Variants in LKAAEAR1 observed in about 807,000 individuals in gnomAD.
The protein encoded by LKAAEAR1 is protein LKAAEAR1.
A neutral mutation model predicts 16.5 loss-of-function variants in LKAAEAR1; 19 were observed. That is an observed-to-expected ratio of 1.15 (90% CI 0.80 to 1.69). LKAAEAR1 has a LOEUF of 1.69. Ranked by LOEUF, LKAAEAR1 falls within the 40% of genes most tolerant of loss-of-function variation. The pLI is 0.00. For synonymous variants in LKAAEAR1, 124 were observed against 152.7 expected (o/e 0.81, Z 1.39); for missense variants, 304 against 315.8 (o/e 0.96, Z 0.28).
Position 64,083,697 on chromosome 20 carries a change from C to T in LKAAEAR1, c.411G>A (p.Glu137=), listed in dbSNP as rs1041965866. The change falls in exon 2 of 3, where the codon GAG becomes GAA. Residue 137 remains glutamate (E), a synonymous_variant. Coordinates refer to ENST00000302096, the MANE Select transcript of LKAAEAR1 (RefSeq NM_001353425.2). The surrounding 1 kb of genome is among the most constrained non-coding windows in gnomAD (Gnocchi z 4.9). ...TCTGCCGCTGGATGAGCAGCGCGAT[C>T]TCCTCGGCCTGCGGGGCCCGGGTAG... ...RLRYTRMRAE[E]IALLIQRQKS... is the part of the protein sequence containing the mutation. 1.4e-6 allele frequency: 2 copies of T among 1,393,828 alleles called. No homozygotes were observed. Among genetic ancestry groups the T allele is most frequent in the Non-Finnish European group, 9.2e-7 (1 of 1,082,618 alleles). The allele number at this position is 1,393,828 out of a possible 1,614,324, so 86.3% of individuals were successfully genotyped here.
chr20:64,083,561 C>T lies in LKAAEAR1; in HGVS notation c.525+22G>A. 1 of 1,530,542 alleles carries T rather than the reference C, an allele frequency of 6.5e-7. No homozygotes were observed. Among genetic ancestry groups the T allele is most frequent in the Non-Finnish European group, 8.8e-7 (1 of 1,138,462 alleles). 94.8% of individuals were successfully genotyped at this position (1,530,542 alleles called of 1,614,324 possible). A position where few individuals can be genotyped will look rare whatever the true frequency, so the allele number is the denominator to read the frequency against. The stretch of plus-strand genomic sequence containing the variant: ...GGCAGGGCCCCTCCCCTTTCCCCGC[C>T]CCTACCGGGGCTTGTCTGCACCTCT... On this transcript the variant is annotated intron_variant, in intron 2 of 2. Transcript: ENST00000302096. This position sits in a 1 kb window ranked among gnomAD's most constrained non-coding sequence, Gnocchi z 4.9.
In LKAAEAR1 at chr20:64,084,206, G is replaced by T; in HGVS notation, c.14C>A (p.Ala5Glu). Residue 5 changes from alanine to glutamate, a missense_variant, in exon 1 of 3, where the codon GCG (alanine) becomes GAG (glutamate). Coordinates refer to ENST00000302096, the MANE Select transcript of LKAAEAR1 (RefSeq NM_001353425.2). ...CGGGCCCTTGCGCCCGCCCTCCTTCGCTGGCGGCGGCATCCTCCCGCCCTG... is the reference window on the plus strand; with the variant it reads ...CGGGCCCTTGCGCCCGCCCTCCTTCTCTGGCGGCGGCATCCTCCCGCCCTG... MPPP[A>E]KEGGRKGPRE... 7.0e-7 allele frequency: 1 copy of T among 1,419,766 alleles called. No individual in the cohort carries two copies. Among genetic ancestry groups the T allele is most frequent in the South Asian group, 1.5e-5 (1 of 68,744 alleles). 87.9% of individuals were successfully genotyped at this position (1,419,766 alleles called of 1,614,324 possible).
chr20:64,084,489 A>G (rs2060020716), upstream of LKAAEAR1: 3 of 829,834 alleles, frequency 3.6e-6, no homozygotes, highest in Non-Finnish European at 1.6e-6. Context: ...GTTGTAGGAA[A>G]TATCTTTCCT....
In LKAAEAR1 at chr20:64,083,679, C is replaced by A; in HGVS notation, c.429G>T (p.Gln143His). ...MRAEEIALLI[Q>H]RQKSARAAIR... ...TGGCGGCGCGCGCGGACTTCTGCCG[C>A]TGGATGAGCAGCGCGATCTCCTCGG... The change falls in exon 2 of 3, where the codon CAG (glutamine) becomes CAT (histidine). Residue 143 changes from glutamine to histidine, a missense_variant. Physicochemically the swap from Gln to His is conservative, Grantham distance 24. Transcript: ENST00000302096. This position sits in a 1 kb window ranked among gnomAD's most constrained non-coding sequence, Gnocchi z 4.9. The A allele has an allele frequency of 1.4e-6, 2 of 1,426,262 alleles. No homozygotes were observed. The highest frequency in any genetic ancestry group is 2.9e-5 in the South Asian group (2 of 68,964). The allele number at this position is 1,426,262 out of a possible 1,614,324, so 88.4% of individuals were successfully genotyped here.
rs998254539 is a variant in LKAAEAR1, at chr20:64,084,265, C to G, written c.-46G>C. 14 of 1,339,270 alleles carry G rather than the reference C, an allele frequency of 1.0e-5. No homozygotes were observed. In the South Asian group the frequency reaches 2.4e-4, roughly 23 times the overall value. 83.0% of individuals were successfully genotyped at this position (1,339,270 alleles called of 1,614,324 possible). On this transcript the variant is annotated 5_prime_UTR_variant, in exon 1 of 3. Transcript: ENST00000302096. ...GGAGGGCGTCCCGTCGGTGCCGGGG[C>G]TGGCACCGGGCCCTGCCCGCCCCTC... is the stretch of plus-strand genomic sequence containing the variant.
At position 64,084,099 on chromosome 20, in the gene LKAAEAR1, T is replaced by TG. The variant is rs762504141; in HGVS notation, c.120dup (p.Lys41GlnfsTer172). On this transcript the variant is annotated frameshift_variant, in exon 1 of 3. Coordinates refer to ENST00000302096, the MANE Select transcript of LKAAEAR1 (RefSeq NM_001353425.2). LOFTEE classifies it high-confidence loss of function. ...TGCGGCGTCAGGGCCCAGCCCGGCT[T>TG]GGGGGGCTCTGTCGCGGGCGCCCCC... 6 of 1,478,026 alleles carry TG rather than the reference T, an allele frequency of 4.1e-6. No individual in the cohort carries two copies. Among genetic ancestry groups the TG allele is most frequent in the East Asian group, 3.0e-5 (1 of 33,594 alleles). 91.6% of individuals were successfully genotyped at this position (1,478,026 alleles called of 1,614,324 possible).
upstream of LKAAEAR1, among the ~76,000 whole-genome samples, chr20:64,084,713 G>C (rs751434591): frequency 3.4e-4 from 52 of 152,186 alleles, no homozygotes; most frequent in Admixed American, 3.4e-3. Context: ...TAGAGGGCAG[G>C]TGACAGAGGA....
chr20:64,084,207 C>A lies in LKAAEAR1; in HGVS notation c.13G>T (p.Ala5Ser). 7.0e-7 allele frequency: 1 copy of A among 1,420,456 alleles called. No individual in the cohort carries two copies. Among genetic ancestry groups the A allele is most frequent in the Non-Finnish European group, 9.1e-7 (1 of 1,094,780 alleles). The allele number at this position is 1,420,456 out of a possible 1,614,324, so 88.0% of individuals were successfully genotyped here. The change falls in exon 1 of 3, where the codon GCG becomes TCG. Residue 5 changes from alanine (A) to serine (S), a missense_variant. Transcript: ENST00000302096. MPPP[A>S]KEGGRKGPRE... is the part of the protein sequence containing the mutation. The stretch of plus-strand genomic sequence containing the variant: ...GGGCCCTTGCGCCCGCCCTCCTTCG[C>A]TGGCGGCGGCATCCTCCCGCCCTGC...
In LKAAEAR1 at chr20:64,083,377, T is replaced by G. The variant is rs1408244389; in HGVS notation, c.*58A>C. The stretch of plus-strand genomic sequence containing the variant: ...TGGCAGCAAAAAGACCAGCGAGCCT[T>G]CGGAGAATTATAACTTTATGTGGGA... On this transcript the variant is annotated 3_prime_UTR_variant, in exon 3 of 3. Transcript: ENST00000302096. This position sits in a 1 kb window ranked among gnomAD's most constrained non-coding sequence, Gnocchi z 4.9. 6.2e-7 allele frequency: 1 copy of G among 1,609,564 alleles called. No individual in the cohort carries two copies. Among genetic ancestry groups the G allele is most frequent in the Non-Finnish European group, 8.5e-7 (1 of 1,178,596 alleles).
At position 64,084,187 on chromosome 20, in the gene LKAAEAR1, CT is replaced by C; in HGVS notation, c.32del (p.Lys11ArgfsTer36). On this transcript the variant is annotated frameshift_variant, in exon 1 of 3. Coordinates refer to ENST00000302096, the MANE Select transcript of LKAAEAR1 (RefSeq NM_001353425.2). LOFTEE classifies it high-confidence loss of function. ...TCTTCCCGCTTCGCTCCCGCGGGCC[CT>C]TGCGCCCGCCCTCCTTCGCTGGCGG... The part of the protein sequence containing the change: MPPPAKEGGR[K>X]GPRERSGKSA... The C allele has an allele frequency of 6.9e-7, 1 of 1,445,618 alleles. No homozygotes were observed. The highest frequency in any genetic ancestry group is 9.0e-7 in the Non-Finnish European group (1 of 1,106,854). 89.5% of individuals were successfully genotyped at this position (1,445,618 alleles called of 1,614,324 possible). A position where few individuals can be genotyped will look rare whatever the true frequency, so the allele number is the denominator to read the frequency against.
Position 64,084,199 on chromosome 20 carries a change from C to G in LKAAEAR1, c.21G>C (p.Glu7Asp). 1 of 1,426,898 alleles carries G rather than the reference C, an allele frequency of 7.0e-7. No homozygotes were observed. The allele number at this position is 1,426,898 out of a possible 1,614,324, so 88.4% of individuals were successfully genotyped here. Residue 7 changes from glutamate (E) to aspartate (D), a missense_variant, in exon 1 of 3, where the codon GAG (glutamate) becomes GAC (aspartate). Coordinates refer to ENST00000302096, the MANE Select transcript of LKAAEAR1 (RefSeq NM_001353425.2). ...GCTCCCGCGGGCCCTTGCGCCCGCC[C>G]TCCTTCGCTGGCGGCGGCATCCTCC... is the stretch of plus-strand genomic sequence containing the variant. MPPPAKEGGRKGPRERS... is the reference protein window; with the variant it reads MPPPAKDGGRKGPRERS...
At position 64,083,678 on chromosome 20, in the gene LKAAEAR1, G is replaced by C; in HGVS notation, c.430C>G (p.Arg144Gly). ...RAEEIALLIQ[R>G]QKSARAAIRL... ...ATGGCGGCGCGCGCGGACTTCTGCC[G>C]CTGGATGAGCAGCGCGATCTCCTCG... The change falls in exon 2 of 3, where the codon CGG becomes GGG. Residue 144 changes from arginine (R) to glycine (G), a missense_variant. Arg to Gly is a moderately radical substitution (Grantham distance 125). Transcript: ENST00000302096. The surrounding 1 kb of genome is among the most constrained non-coding windows in gnomAD (Gnocchi z 4.9). 7.0e-7 allele frequency: 1 copy of C among 1,426,064 alleles called. No homozygotes were observed. The highest frequency in any genetic ancestry group is 9.1e-7 in the Non-Finnish European group (1 of 1,097,364). The allele number at this position is 1,426,064 out of a possible 1,614,324, so 88.3% of individuals were successfully genotyped here.
At chr20:64,084,640 G>A (rs146150476), upstream of LKAAEAR1, among the ~76,000 whole-genome samples, 1 of 152,184 alleles carries the variant, frequency 6.6e-6, no homozygotes, top group African/African-American at 2.4e-5. Context: ...CGACAGTCAG[G>A]GTCTCCCACC....
rs920609361 is a variant in LKAAEAR1 at position 64,083,838 on chromosome 20, G to A, written c.382C>T (p.Leu128=). The change falls in exon 1 of 3, where the codon CTG becomes TTG. Residue 128 remains leucine (L), a synonymous_variant. Transcript: ENST00000302096. This position sits in a 1 kb window ranked among gnomAD's most constrained non-coding sequence, Gnocchi z 4.9. ...CTCACCCGCATGCGGGTGTAGCGCA[G>A]CCGCAGGGCGCGGACTCGCCCGCGG... ...EARGRVRALR[L]RYTRMRAEEI... The A allele has an allele frequency of 2.4e-5, 33 of 1,394,510 alleles. No individual in the cohort carries two copies. In the African/African-American group the frequency reaches 4.9e-4, roughly 20 times the overall value. The allele number at this position is 1,394,510 out of a possible 1,614,324, so 86.4% of individuals were successfully genotyped here. A position where few individuals can be genotyped will look rare whatever the true frequency, so the allele number is the denominator to read the frequency against.
rs1029409073 is a variant in LKAAEAR1, at chr20:64,083,768, G to C, written c.402+50C>G. ...GCCCCGCCCCGCCCCGGCCGGCTCC[G>C]CTCAACGCTCCCGGTGCGCCCCCTC... On this transcript the variant is annotated intron_variant, in intron 1 of 2. Coordinates refer to ENST00000302096, the MANE Select transcript of LKAAEAR1 (RefSeq NM_001353425.2). The surrounding 1 kb of genome is among the most constrained non-coding windows in gnomAD (Gnocchi z 4.9). 1.5e-5 allele frequency: 19 copies of C among 1,297,456 alleles called. No individual in the cohort carries two copies. In the African/African-American group the frequency reaches 2.5e-4, roughly 17 times the overall value. 80.4% of individuals were successfully genotyped at this position (1,297,456 alleles called of 1,614,324 possible).
At position 64,084,193 on chromosome 20, in the gene LKAAEAR1, C is replaced by A. The variant is rs1490562171; in HGVS notation, c.27G>T (p.Gly9=). The A allele has an allele frequency of 6.9e-7, 1 of 1,442,336 alleles. No individual in the cohort carries two copies. The highest frequency in any genetic ancestry group is 9.0e-7 in the Non-Finnish European group (1 of 1,105,186). 89.3% of individuals were successfully genotyped at this position (1,442,336 alleles called of 1,614,324 possible). ...CGCTTCGCTCCCGCGGGCCCTTGCG[C>A]CCGCCCTCCTTCGCTGGCGGCGGCA... MPPPAKEG[G]RKGPRERSGK... Residue 9 remains glycine (G), a synonymous_variant, in exon 1 of 3, where the codon GGG becomes GGT. Transcript: ENST00000302096.
chr20:64,084,088 C>T lies in LKAAEAR1; in HGVS notation c.132G>A (p.Trp44Ter). The change falls in exon 1 of 3, where the codon TGG (tryptophan) becomes TGA (stop). Residue 44 changes from tryptophan to a stop codon, truncating the protein, a stop_gained. Coordinates refer to ENST00000302096, the MANE Select transcript of LKAAEAR1 (RefSeq NM_001353425.2). LOFTEE classifies it high-confidence loss of function. The part of the protein sequence containing the change: ...APATEPPKPG[W>*]ALTPQGLAAM... ...CCGCCAGTCCCTGCGGCGTCAGGGC[C>T]CAGCCCGGCTTGGGGGGCTCTGTCG... The T allele has an allele frequency of 6.7e-7, 1 of 1,487,128 alleles. No homozygotes were observed. Among genetic ancestry groups the T allele is most frequent in the South Asian group, 1.3e-5 (1 of 78,792 alleles). The allele number at this position is 1,487,128 out of a possible 1,614,324, so 92.1% of individuals were successfully genotyped here. A position where few individuals can be genotyped will look rare whatever the true frequency, so the allele number is the denominator to read the frequency against.
upstream of LKAAEAR1, among the ~76,000 whole-genome samples, chr20:64,084,601 C>T (rs752954376): frequency 1.8e-4 from 28 of 152,210 alleles, no homozygotes; most frequent in Non-Finnish European, 2.5e-4. Flanking sequence ...CCTGGGGGAC[C>T]TTCGTTGTGC....
rs1184498634 is a variant in LKAAEAR1, at chr20:64,084,311, C to T, written c.-92G>A. 4 of 1,293,694 alleles carry T rather than the reference C, an allele frequency of 3.1e-6. No homozygotes were observed. The Admixed American group carries it at 1.3e-4, about 41-fold the overall frequency. 80.1% of individuals were successfully genotyped at this position (1,293,694 alleles called of 1,614,324 possible). A position where few individuals can be genotyped will look rare whatever the true frequency, so the allele number is the denominator to read the frequency against. On this transcript the variant is annotated 5_prime_UTR_variant, in exon 1 of 3. Coordinates refer to ENST00000302096, the MANE Select transcript of LKAAEAR1 (RefSeq NM_001353425.2). ...CCCTCGGCAGGGCCCCAACGTGCGC[C>T]CCAGCTCCCGCCCGCTGGGCTCTCC...
Sources: gnomAD v4.1 joint callset for allele counts (sites outside exome capture counted in the v4.1 genomes callset) on GRCh38, gnomAD v4.1.1 for gene constraint, Gnocchi (gnomAD v3.1) non-coding constraint, MANE v1.5 for transcripts, NCBI Gene and HGNC (gene_info 2026-07-23, HGNC 2026-07-21) for gene names.